Variants in SOS1 observed in about 807,000 individuals in gnomAD.
SOS1 encodes the protein SOS Ras/Rac guanine nucleotide exchange factor 1.
In SOS1, 25 loss-of-function variants were observed where a neutral mutation model predicts 157.6. The ratio of observed to expected loss-of-function variants is 0.16; its 90% CI spans 0.12 to 0.22. The LOEUF is 0.22. SOS1 is among the 10% of genes least tolerant of loss of function. SOS1 has a pLI of 1.00. For missense variants in SOS1, 1,237 were observed against 1,599.1 expected (o/e 0.77, Z 3.86); for synonymous variants, 528 against 534.0 (o/e 0.99, Z 0.16).
Position 39,012,152 on chromosome 2 carries a change from G to T in SOS1, c.2364C>A (p.Leu788=). The change falls in exon 14 of 23, where the codon CTC becomes CTA. Residue 788 remains leucine, a synonymous_variant. Transcript: ENST00000402219. ...TLHPIEIARQ[L]TLLESDLYRA... ...GGTATAGATCTGATTCAAGTAAAGTGAGTTGTCGAGCAATTTCTATTGGGT... is the reference window on the plus strand; with the variant it reads ...GGTATAGATCTGATTCAAGTAAAGTTAGTTGTCGAGCAATTTCTATTGGGT... The T allele has an allele frequency of 6.2e-7, 1 of 1,612,984 alleles. No individual in the cohort carries two copies. Among genetic ancestry groups the T allele is most frequent in the Non-Finnish European group, 8.5e-7 (1 of 1,179,060 alleles).
rs1228572434 is a variant in SOS1, at chr2:39,035,370, T to C, written c.975+20A>G. On this transcript the variant is annotated intron_variant, in intron 7 of 22. Transcript: ENST00000402219. The stretch of plus-strand genomic sequence containing the variant: ...TTTACTTTTCAGACATTGTACATCT[T>C]CATTTAAAAATTACTATACCTGCAA... The C allele has an allele frequency of 3.7e-6, 6 of 1,602,928 alleles. No homozygotes were observed. Among genetic ancestry groups the C allele is most frequent in the Non-Finnish European group, 5.1e-6 (6 of 1,169,778 alleles).
chr2:39,115,483 C>T lies in SOS1; in HGVS notation c.87+4853G>A, dbSNP rs540340886. On this transcript the variant is annotated intron_variant, in intron 1 of 22. Coordinates refer to ENST00000402219, the MANE Select transcript of SOS1 (RefSeq NM_005633.4). ...AGGCTGGAGTGCAATAGCACAATCA[C>T]ACCTCACTGCAGCCTTGACCTCTCA... is the stretch of plus-strand genomic sequence containing the variant. Among the ~76,000 whole-genome samples, 13 of 141,306 alleles carry T rather than the reference C, an allele frequency of 9.2e-5. No homozygotes were observed. The South Asian group carries it at 2.8e-3, about 30-fold the overall frequency. 92.7% of individuals were successfully genotyped at this position (141,306 alleles called of 152,430 possible).
At chr2:39,048,001 T>C (rs989458854) in intron 6 of SOS1, among the ~76,000 whole-genome samples, 2 of 152,192 alleles carry the variant, frequency 1.3e-5, no homozygotes, top group Non-Finnish European at 2.9e-5. Flanking sequence ...TATGAGTCTT[T>C]CATTGGCTAT....
At chr2:39,008,882 T>C (rs746930734) in intron 15 of SOS1, among the ~76,000 whole-genome samples, 2 of 142,864 alleles carry the variant, frequency 1.4e-5, no homozygotes, top group Admixed American at 7.6e-5. Context: ...TACACTATAT[T>C]ATCTGAAATG....
chr2:39,012,078 G>C lies in SOS1; in HGVS notation c.2390+48C>G, dbSNP rs766447300. ...CAGAAATCAGTATTTCATTTTAAAA[G>C]TTAACTCTTTTGAAATGACTTTTCA... On this transcript the variant is annotated intron_variant, in intron 14 of 22. Coordinates refer to ENST00000402219, the MANE Select transcript of SOS1 (RefSeq NM_005633.4). 2.1e-5 allele frequency: 28 copies of C among 1,329,476 alleles called. No individual in the cohort carries two copies. In the South Asian group the frequency reaches 3.2e-4, roughly 15 times the overall value. The allele number at this position is 1,329,476 out of a possible 1,614,324, so 82.4% of individuals were successfully genotyped here.
chr2:39,120,418 T>C lies in SOS1; in HGVS notation c.5A>G (p.Gln2Arg). M[Q>R]AQQLPYEFFS... is the part of the protein sequence containing the mutation. Reference sequence around the variant, plus strand: ...AAACTCGTAGGGCAGCTGCTGCGCCTGCATGGTGCCCCCGGGGCGCCTCTG... The same window carrying C: ...AAACTCGTAGGGCAGCTGCTGCGCCCGCATGGTGCCCCCGGGGCGCCTCTG... The change falls in exon 1 of 23, where the codon CAG (glutamine) becomes CGG (arginine). Residue 2 changes from glutamine to arginine, a missense_variant. Gln to Arg is a conservative substitution (Grantham distance 43, BLOSUM62 1). Around this residue, in one of 15 missense-constraint regions of SOS1, gnomAD observed 99 missense variants for 81.6 expected, o/e 1.21. Transcript: ENST00000402219. The C allele has an allele frequency of 1.9e-6, 3 of 1,587,824 alleles. No homozygotes were observed. The highest frequency in any genetic ancestry group is 2.6e-6 in the Non-Finnish European group (3 of 1,168,932).
chr2:38,994,970 ATT>A (rs1452591923), intron 20 of SOS1, among the ~76,000 whole-genome samples, 151 bp downstream of exon 20: 1 of 152,156 alleles, frequency 6.6e-6, no homozygotes, highest in African/African-American at 2.4e-5. Context: ...GGAGTTTAGA[ATT>A]TGTCTTATAT....
chr2:39,019,318 GTGT>G (rs1180761921), intron 10 of SOS1, among the ~76,000 whole-genome samples: 3 of 151,490 alleles, frequency 2.0e-5, no homozygotes, highest in Admixed American at 6.6e-5. Context: ...TTATCTACTC[GTGT>G]TGTTTTAGGT....
At chr2:39,058,894 A>G in intron 2 of SOS1, 90 bp from the exon 3 acceptor site, 1 of 1,005,478 alleles carries the variant, frequency 9.9e-7, no homozygotes, top group Admixed American at 2.2e-5. Flanking sequence ...AAGAATACCA[A>G]AAGTAGAGCT....
chr2:39,019,933 A>AT, intron 10 of SOS1, among the ~76,000 whole-genome samples: 1 of 151,570 alleles, frequency 6.6e-6, no homozygotes, highest in Non-Finnish European at 1.5e-5. Flanking sequence ...CAAGGAAGTA[A>AT]TTTATTTATT....
chr2:39,033,434 C>G (rs1212359780), intron 8 of SOS1, among the ~76,000 whole-genome samples: 1 of 152,100 alleles, frequency 6.6e-6, no homozygotes, highest in Non-Finnish European at 1.5e-5. Context: ...ATTGCCTACA[C>G]TTGAAGGAGT....
intron 1 of SOS1, among the ~76,000 whole-genome samples, chr2:39,102,100 G>A (rs553454586): frequency 6.7e-6 from 1 of 149,446 alleles, no homozygotes. Context: ...AGCTACTCGG[G>A]AGGCTGAGGC....
chr2:39,084,633 T>C (rs2148176549), intron 1 of SOS1, among the ~76,000 whole-genome samples: 1 of 152,294 alleles, frequency 6.6e-6, no homozygotes, highest in South Asian at 2.1e-4. Context: ...ATAAATTTAA[T>C]TAAAAATTTT....
In SOS1 at chr2:39,044,416, T is replaced by C. The variant is rs145572654; in HGVS notation, c.864+6728A>G. 5.0e-3 allele frequency among the ~76,000 whole-genome samples: 762 copies of C among 152,348 alleles called. 7 individuals are homozygous for C. The highest frequency in any genetic ancestry group is 0.018 in the African/African-American group (735 of 41,584). ...CGTTACTTCCTTACATATTATTCTCTTAGGTGTATCACGTTATCTTTCTTC... is the reference window on the plus strand; with the variant it reads ...CGTTACTTCCTTACATATTATTCTCCTAGGTGTATCACGTTATCTTTCTTC... On this transcript the variant is annotated intron_variant, in intron 6 of 22. Coordinates refer to ENST00000402219, the MANE Select transcript of SOS1 (RefSeq NM_005633.4).
chr2:39,074,891 AG>A (rs1418933061), intron 1 of SOS1, among the ~76,000 whole-genome samples: 2 of 150,616 alleles, frequency 1.3e-5, no homozygotes, highest in Non-Finnish European at 3.0e-5. Context: ...AAAAAAAAAA[AG>A]GCACAGAGAC....
rs974112363 is a variant in SOS1 at position 39,041,115 on chromosome 2, A to G, written c.865-5615T>C. On this transcript the variant is annotated intron_variant, in intron 6 of 22. Coordinates refer to ENST00000402219, the MANE Select transcript of SOS1 (RefSeq NM_005633.4). Reference sequence around the variant, plus strand: ...ACCTTGTCACCCAGGCTGGAGTGCAATCATGTGATTATGGCTCACTGCAGC... The same window carrying G: ...ACCTTGTCACCCAGGCTGGAGTGCAGTCATGTGATTATGGCTCACTGCAGC... Among the ~76,000 whole-genome samples the G allele has an allele frequency of 2.0e-5, 3 of 151,950 alleles. No homozygotes were observed. In the South Asian group the frequency reaches 6.2e-4, roughly 31 times the overall value.
In SOS1 at chr2:39,111,186, T is replaced by C. The variant is rs79854184; in HGVS notation, c.87+9150A>G. Among the ~76,000 whole-genome samples the C allele has an allele frequency of 5.3e-4, 80 of 152,254 alleles. 1 individual carries two copies. The East Asian group carries it at 0.013, about 25-fold the overall frequency. On this transcript the variant is annotated intron_variant, in intron 1 of 22. Transcript: ENST00000402219. ...AGGCGGAGGTTACAGTGAGACGAGA[T>C]TGTGCCACTGCACTCCAGCCTGGGA...
In SOS1 at chr2:39,040,081, G is replaced by A. The variant is rs191848827; in HGVS notation, c.865-4581C>T. Among the ~76,000 whole-genome samples the A allele has an allele frequency of 1.1e-3, 163 of 151,738 alleles. 1 individual carries two copies. The South Asian group carries it at 0.015, about 14-fold the overall frequency. On this transcript the variant is annotated intron_variant, in intron 6 of 22. Coordinates refer to ENST00000402219, the MANE Select transcript of SOS1 (RefSeq NM_005633.4). Reference sequence around the variant, plus strand: ...GGCTGGAGTGCAGTGGCGTGACCTCGGCTCACTGCAAGCTCCGCCTCCCAG... The same window carrying A: ...GGCTGGAGTGCAGTGGCGTGACCTCAGCTCACTGCAAGCTCCGCCTCCCAG...
rs527382609 is a variant in SOS1, at chr2:39,002,280, G to A, written c.2791+4132C>T. On this transcript the variant is annotated intron_variant, in intron 17 of 22. Coordinates refer to ENST00000402219, the MANE Select transcript of SOS1 (RefSeq NM_005633.4). ...GCAGAGGTTGCAGTGAGCCGAGATC[G>A]TGCCATTACACTCCAGCCTGGGCAA... is the stretch of plus-strand genomic sequence containing the variant. Among the ~76,000 whole-genome samples the A allele has an allele frequency of 1.8e-4, 28 of 152,108 alleles. No individual in the cohort carries two copies. The East Asian group carries it at 4.8e-3, about 26-fold the overall frequency.
Sources: allele counts gnomAD v4.1 joint callset (sites outside exome capture counted in the v4.1 genomes callset), GRCh38; gene constraint gnomAD v4.1.1; regional missense constraint gnomAD v4.1.1; transcripts MANE v1.5; gene names NCBI Gene and HGNC (gene_info 2026-07-23, HGNC 2026-07-21).